TRIM5: variants seen among roughly 807,000 people sequenced by gnomAD.
TRIM5 encodes tripartite motif containing 5.
TRIM5 carries 31 observed loss-of-function variants against 35.6 expected under a neutral mutation model. That is an observed-to-expected ratio of 0.87 (90% confidence interval 0.65 to 1.18). The LOEUF is 1.18. TRIM5 is among the 50% of genes most tolerant of loss of function. The pLI is 0.00. For synonymous variants in TRIM5, 243 were observed against 215.6 expected (o/e 1.13, Z -1.11); for missense variants, 609 against 591.6 (o/e 1.03, Z -0.31).
intron 1 of TRIM5, among the ~76,000 whole-genome samples, chr11:5,684,624 T>G (rs1852873157): frequency 6.6e-6 from 1 of 152,164 alleles, no homozygotes; most frequent in African/African-American, 2.4e-5. Context: ...AAGAGAGAAT[T>G]CTGGCTCTCT....
the TRIM5 span, chr11:5,634,526 C>CATATATATATATATATATATATAT: frequency 1.5e-6 from 1 of 651,142 alleles, no homozygotes; most frequent in African/African-American, 2.3e-5. Flanking sequence ...CACACACACA[C>CATATATATATATATATATATATAT]ACACATATAT....
chr11:5,622,019 T>G, the TRIM5 span, among the ~76,000 whole-genome samples: 1 of 152,104 alleles, frequency 6.6e-6, no homozygotes, highest in East Asian at 1.9e-4. Flanking sequence ...AAAATAAACT[T>G]TCTATATTAT....
chr11:5,603,081 T>C, the TRIM5 span, among the ~76,000 whole-genome samples: 5 of 152,050 alleles, frequency 3.3e-5, no homozygotes, highest in African/African-American at 9.7e-5. Context: ...TGGGGAGAAA[T>C]TGGTGCCTTG....
chr11:5,600,856 T>G, the TRIM5 span, among the ~76,000 whole-genome samples: 1 of 152,238 alleles, frequency 6.6e-6, no homozygotes, highest in Non-Finnish European at 1.5e-5. Flanking sequence ...CTGGCTCTTC[T>G]TTGGTGGCCC....
intron 4 of TRIM5, among the ~76,000 whole-genome samples, chr11:5,672,359 G>A (rs577885810): frequency 1.1e-4 from 16 of 152,042 alleles, no homozygotes; most frequent in East Asian, 1.9e-4. Flanking sequence ...TTACAGGCAC[G>A]TGCCACCATG....
chr11:5,680,928 T>G (rs1271549846), intron 1 of TRIM5, among the ~76,000 whole-genome samples: 5 of 152,234 alleles, frequency 3.3e-5, no homozygotes, highest in Non-Finnish European at 5.9e-5. Context: ...TCTTTGCTAC[T>G]CTTTTGGTTA....
At chr11:5,681,272 C>G (rs561508729) in intron 1 of TRIM5, among the ~76,000 whole-genome samples, 1 of 152,266 alleles carries the variant, frequency 6.6e-6, no homozygotes, top group South Asian at 2.1e-4. Flanking sequence ...GGCCCAATAA[C>G]GAGATGCAGA....
chr11:5,608,933 T>C, the TRIM5 span, among the ~76,000 whole-genome samples: 1 of 143,704 alleles, frequency 7.0e-6, no homozygotes. Context: ...TCACTGCACC[T>C]TCCTGCCCGT....
At position 5,680,137 on chromosome 11, in the gene TRIM5, G is replaced by A. The variant is rs1327576529; in HGVS notation, c.41C>T (p.Thr14Ile). 2 of 1,613,410 alleles carry A rather than the reference G, an allele frequency of 1.2e-6. No homozygotes were observed. Among genetic ancestry groups the A allele is most frequent in the Non-Finnish European group, 1.7e-6 (2 of 1,179,622 alleles). ...CAGGAGTTCCAGGCAGATGGGGCAG[G>A]TCACCTCCTCCTTTACATTAACCAG... ...GILVNVKEEV[T>I]CPICLELLTQ... is the part of the protein sequence containing the mutation. Residue 14 changes from threonine (T) to isoleucine (I), a missense_variant, in exon 2 of 8, where the codon ACC (threonine) becomes ATC (isoleucine). Transcript: ENST00000380034.
At chr11:5,632,936 C>T in the TRIM5 span, among the ~76,000 whole-genome samples, 1 of 142,362 alleles carries the variant, frequency 7.0e-6, no homozygotes, top group East Asian at 2.2e-4. Flanking sequence ...AAGTAATTTT[C>T]CTGCCTCAGC....
At chr11:5,595,768 G>A in the TRIM5 span, among the ~76,000 whole-genome samples, 8 of 150,942 alleles carry the variant, frequency 5.3e-5, no homozygotes, top group African/African-American at 1.9e-4. Flanking sequence ...CCAGGCTGGA[G>A]TGCAACCTCC....
chr11:5,660,661 G>A (rs952843520), downstream of TRIM5, among the ~76,000 whole-genome samples: 2 of 151,674 alleles, frequency 1.3e-5, no homozygotes, highest in Non-Finnish European at 2.9e-5. Flanking sequence ...TTTTTTTTCA[G>A]TGTGGTTGTA....
At position 5,664,955 on chromosome 11, in the gene TRIM5, C is replaced by A. The variant is rs368166873; in HGVS notation, c.1336G>T (p.Ala446Ser). 19 of 1,613,962 alleles carry A rather than the reference C, an allele frequency of 1.2e-5. No individual in the cohort carries two copies. Among genetic ancestry groups the A allele is most frequent in the African/African-American group, 5.3e-5 (4 of 74,976 alleles). ...ATATTGAAGAATGAGACAGTGCAAGCCTCATAGTCTAGGAAAACTCCAACA... is the reference window on the plus strand; with the variant it reads ...ATATTGAAGAATGAGACAGTGCAAGACTCATAGTCTAGGAAAACTCCAACA... ...DRVGVFLDYEACTVSFFNITN... is the reference protein window; with the variant it reads ...DRVGVFLDYESCTVSFFNITN... Residue 446 changes from alanine to serine, a missense_variant, in exon 8 of 8, where the codon GCT (alanine) becomes TCT (serine). Coordinates refer to ENST00000380034, the MANE Select transcript of TRIM5 (RefSeq NM_033034.3).
chr11:5,670,204 G>A (rs1851471287), intron 4 of TRIM5, among the ~76,000 whole-genome samples: 2 of 108,012 alleles, frequency 1.9e-5, no homozygotes, highest in South Asian at 3.3e-4. Context: ...TTGAGATGGA[G>A]TCTCACTCTG....
At chr11:5,597,698 G>A in the TRIM5 span, among the ~76,000 whole-genome samples, 1 of 152,134 alleles carries the variant, frequency 6.6e-6, no homozygotes, top group African/African-American at 2.4e-5. Flanking sequence ...ACCAGCCCCA[G>A]TATCCCCTGC....
the TRIM5 span, among the ~76,000 whole-genome samples, chr11:5,637,543 A>G: frequency 6.6e-6 from 1 of 152,254 alleles, no homozygotes; most frequent in African/African-American, 2.4e-5. Context: ...GTAGGTAGCT[A>G]AATGAGGGAA....
chr11:5,657,489 T>TTATA, the TRIM5 span, among the ~76,000 whole-genome samples: 2 of 138,298 alleles, frequency 1.4e-5, no homozygotes, highest in African/African-American at 2.7e-5. Context: ...TATAATGCAT[T>TTATA]TATATATATA....
chr11:5,592,525 C>T, the TRIM5 span, among the ~76,000 whole-genome samples: 1 of 151,962 alleles, frequency 6.6e-6, no homozygotes. Flanking sequence ...ATCTTAAATA[C>T]CGTGCTATAT....
intron 4 of TRIM5, among the ~76,000 whole-genome samples, chr11:5,671,424 C>A (rs1471416697): frequency 6.6e-6 from 1 of 151,270 alleles, no homozygotes; most frequent in Admixed American, 6.6e-5. Context: ...GGTTAAAAAA[C>A]TAAGGAGAAC....
Sources: gnomAD v4.1 joint callset for allele counts (sites outside exome capture counted in the v4.1 genomes callset) on GRCh38, gnomAD v4.1.1 for gene constraint, MANE v1.5 for transcripts, NCBI Gene and HGNC (gene_info 2026-07-23, HGNC 2026-07-21) for gene names.